TMEM33: variants seen among roughly 807,000 people sequenced by gnomAD.
TMEM33 encodes the protein transmembrane protein 33.
A neutral mutation model predicts 29.7 loss-of-function variants in TMEM33; 16 were observed. That is an observed-to-expected ratio of 0.54 (90% CI 0.36 to 0.82). The LOEUF is 0.82. Ranked by LOEUF, TMEM33 falls within the 40% of genes least tolerant of loss-of-function variation. The probability of loss-of-function intolerance (pLI) is 0.00; values close to 1 mark genes in which losing one functional copy is unlikely to be tolerated. For synonymous variants in TMEM33, 112 were observed against 109.4 expected (o/e 1.02, Z -0.15); for missense variants, 252 against 295.3 (o/e 0.85, Z 1.08).
intron 1 of TMEM33, among the ~76,000 whole-genome samples, chr4:41,938,155 A>G (rs924942329): frequency 5.3e-5 from 8 of 152,202 alleles, no homozygotes; most frequent in African/African-American, 1.9e-4. Flanking sequence ...TCTGAGACCT[A>G]CCTATTCGGA....
chr4:41,942,282 A>G (rs1286467287), intron 3 of TMEM33, among the ~76,000 whole-genome samples: 1 of 152,240 alleles, frequency 6.6e-6, no homozygotes, highest in East Asian at 1.9e-4. Context: ...TTATATACAT[A>G]TATGATCTCT....
At position 41,955,482 on chromosome 4, in the gene TMEM33, T is replaced by C. The variant is rs1198160456; in HGVS notation, c.*1283T>C. The C allele has an allele frequency of 1.3e-5, 2 of 152,766 alleles. No individual in the cohort carries two copies. Among genetic ancestry groups the C allele is most frequent in the South Asian group, 2.1e-4 (1 of 4,828 alleles). 9.5% of individuals were successfully genotyped at this position (152,766 alleles called of 1,614,324 possible). A position where few individuals can be genotyped will look rare whatever the true frequency, so the allele number is the denominator to read the frequency against. The stretch of plus-strand genomic sequence containing the variant: ...TTAGTATAGAGAAATGTAATGGTTT[T>C]TGTGACCAGTTTCTGTCTGCATGTA... On this transcript the variant is annotated 3_prime_UTR_variant, in exon 7 of 7. Transcript: ENST00000504986.
chr4:41,950,807 T>C (rs1490688301), intron 6 of TMEM33, among the ~76,000 whole-genome samples: 2 of 152,194 alleles, frequency 1.3e-5, no homozygotes, highest in Non-Finnish European at 2.9e-5. Context: ...TTTTCTGTGC[T>C]TCTTTGTGCC....
At chr4:41,939,649 C>T (rs1017278308) in intron 3 of TMEM33, 9 of 536,714 alleles carry the variant, frequency 1.7e-5, no homozygotes, top group African/African-American at 7.6e-5. Flanking sequence ...AATTCCCCTT[C>T]GAAGCACAAC....
chr4:41,935,912 A>G (rs2153126122), intron 1 of TMEM33, among the ~76,000 whole-genome samples: 1 of 152,354 alleles, frequency 6.6e-6, no homozygotes, highest in South Asian at 2.1e-4. Context: ...AGTGCCGGCA[A>G]AGAACGTTTC....
In TMEM33 at chr4:41,957,401, C is replaced by A. The variant is rs1713315212; in HGVS notation, c.*3202C>A. ...TACAGAGAAAAGGCCAACTATAATA[C>A]TAAGCTAAAAGTTATGAAAAATTAA... On this transcript the variant is annotated 3_prime_UTR_variant, in exon 7 of 7. Transcript: ENST00000504986. The A allele has an allele frequency of 6.7e-6, 1 of 150,278 alleles. No homozygotes were observed. Among genetic ancestry groups the A allele is most frequent in the African/African-American group, 2.4e-5 (1 of 40,836 alleles). The allele number at this position is 150,278 out of a possible 1,614,324, so 9.3% of individuals were successfully genotyped here.
In TMEM33 at chr4:41,950,635, T is replaced by G. The variant is rs186488259; in HGVS notation, c.614+1250T>G. 2.0e-5 allele frequency among the ~76,000 whole-genome samples: 3 copies of G among 152,322 alleles called. No homozygotes were observed. The East Asian group carries it at 5.8e-4, about 29-fold the overall frequency. The stretch of plus-strand genomic sequence containing the variant: ...TAATACTTTCTAAAATAGAACTTAT[T>G]TTAGACATTCGTTCTTAGTGAGTCT... On this transcript the variant is annotated intron_variant, in intron 6 of 6. Coordinates refer to ENST00000504986, the MANE Select transcript of TMEM33 (RefSeq NM_018126.3).
intron 5 of TMEM33, among the ~76,000 whole-genome samples, chr4:41,946,016 T>C (rs73153239): frequency 0.028 from 4,138 of 149,040 alleles, 159 homozygotes; most frequent in African/African-American, 0.08. Flanking sequence ...AAAGTGTTAT[T>C]CTGTACCTTT....
chr4:41,948,401 T>G (rs1166152301), intron 5 of TMEM33, among the ~76,000 whole-genome samples: 5 of 152,114 alleles, frequency 3.3e-5, no homozygotes, highest in Non-Finnish European at 7.4e-5. Context: ...GATAAAAATT[T>G]GTCAAATTAT....
Position 41,954,466 on chromosome 4 carries a change from G to A in TMEM33, c.*267G>A. The stretch of plus-strand genomic sequence containing the variant: ...ATACCAGTTTTTTTAAAAAGATGCT[G>A]TTGTGCCTATATCATGAAGTACATT... On this transcript the variant is annotated 3_prime_UTR_variant, in exon 7 of 7. Transcript: ENST00000504986. 4.3e-6 allele frequency: 1 copy of A among 231,966 alleles called. No individual in the cohort carries two copies. Among genetic ancestry groups the A allele is most frequent in the South Asian group, 1.1e-4 (1 of 9,236 alleles). 14.4% of individuals were successfully genotyped at this position (231,966 alleles called of 1,614,324 possible).
At chr4:41,949,863 T>G (rs781689481) in intron 6 of TMEM33, among the ~76,000 whole-genome samples, 38 of 151,912 alleles carry the variant, frequency 2.5e-4, no homozygotes, top group Non-Finnish European at 5.2e-4. Flanking sequence ...GTGGGAGGAG[T>G]AAAGCTTTTG....
In TMEM33 at chr4:41,935,450, C is replaced by T; in HGVS notation, c.-35C>T. The T allele has an allele frequency of 1.9e-6, 3 of 1,592,716 alleles. No individual in the cohort carries two copies. The highest frequency in any genetic ancestry group is 2.6e-6 in the Non-Finnish European group (3 of 1,169,216). On this transcript the variant is annotated 5_prime_UTR_variant, in exon 1 of 7. Coordinates refer to ENST00000504986, the MANE Select transcript of TMEM33 (RefSeq NM_018126.3). ...TTCTCTCCCCTTTCTTCTCTCTTCG[C>T]GGTTGCGGCGTCGCAGACGCTAGTG...
intron 3 of TMEM33, among the ~76,000 whole-genome samples, chr4:41,942,078 A>G (rs982819528): frequency 6.6e-6 from 1 of 152,220 alleles, no homozygotes; most frequent in East Asian, 1.9e-4. Flanking sequence ...GAACTCAGGT[A>G]TCTTGACTCC....
chr4:41,943,860 G>A, intron 4 of TMEM33, 46 bp downstream of exon 4: 1 of 1,566,448 alleles, frequency 6.4e-7, no homozygotes. Context: ...ACAGATCATT[G>A]ACATGAATTT....
intron 6 of TMEM33, among the ~76,000 whole-genome samples, chr4:41,953,150 G>A (rs1229017694): frequency 2.0e-5 from 3 of 152,116 alleles, no homozygotes; most frequent in African/African-American, 7.2e-5. Flanking sequence ...GAATTTCATT[G>A]TATTTTGTGT....
chr4:41,951,037 C>G (rs1713016447), intron 6 of TMEM33, among the ~76,000 whole-genome samples: 1 of 146,988 alleles, frequency 6.8e-6, no homozygotes, highest in Non-Finnish European at 1.5e-5. Context: ...GATAAACAGG[C>G]TATAAAACTA....
In TMEM33 at chr4:41,939,263, C is replaced by T; in HGVS notation, c.208C>T (p.Leu70=). The part of the protein sequence containing the change: ...LANALTSALR[L]HQRLPHFQLS... Reference sequence around the variant, plus strand: ...AAATGCTCTTACCAGTGCTCTGAGGCTGCATCAAAGATTACCACACTTCCA... The same window carrying T: ...AAATGCTCTTACCAGTGCTCTGAGGTTGCATCAAAGATTACCACACTTCCA... The change falls in exon 3 of 7, where the codon CTG becomes TTG. Residue 70 remains leucine (L), a synonymous_variant. Coordinates refer to ENST00000504986, the MANE Select transcript of TMEM33 (RefSeq NM_018126.3). 2 of 1,613,356 alleles carry T rather than the reference C, an allele frequency of 1.2e-6. No homozygotes were observed. Among genetic ancestry groups the T allele is most frequent in the South Asian group, 1.1e-5 (1 of 90,932 alleles).
At chr4:41,943,517 CTT>C (rs1424275953) in intron 3 of TMEM33, among the ~76,000 whole-genome samples, 1 of 141,982 alleles carries the variant, frequency 7.0e-6, no homozygotes, top group African/African-American at 2.9e-5. Context: ...AAGAGTGAGA[CTT>C]TGTCTCAAAA....
chr4:41,953,874 T>C, intron 6 of TMEM33, 196 bp from the exon 7 acceptor site: 1 of 643,952 alleles, frequency 1.6e-6, no homozygotes, highest in South Asian at 1.5e-5. Context: ...AGTGGAAGAA[T>C]TGGCAAAGTG....
Sources: gnomAD v4.1 joint callset for allele counts (sites outside exome capture counted in the v4.1 genomes callset) on GRCh38, gnomAD v4.1.1 for gene constraint, MANE v1.5 for transcripts, NCBI Gene and HGNC (gene_info 2026-07-23, HGNC 2026-07-21) for gene names.